SUGCT: variants seen among roughly 807,000 people sequenced by gnomAD.
The protein encoded by SUGCT is succinyl-CoA:glutarate-CoA transferase.
Under a neutral mutation model 55.0 loss-of-function variants are expected in SUGCT, and 41 were observed. The ratio of observed to expected loss-of-function variants is 0.74; its 90% CI spans 0.58 to 0.97. The LOEUF is 0.97. Ranked by LOEUF, SUGCT falls within the 50% of genes least tolerant of loss-of-function variation. SUGCT has a pLI of 0.00. For synonymous variants in SUGCT, 187 were observed against 200.4 expected (o/e 0.93, Z 0.56); for missense variants, 568 against 547.8 (o/e 1.04, Z -0.37).
intron 12 of SUGCT, among the ~76,000 whole-genome samples, chr7:40,641,688 GA>G (rs1245264752): frequency 6.6e-6 from 1 of 152,166 alleles, no homozygotes; most frequent in Non-Finnish European, 1.5e-5. Flanking sequence ...CCCATGGCAG[GA>G]AAATTCAAAA....
chr7:40,708,331 T>C (rs1221745391), intron 12 of SUGCT, among the ~76,000 whole-genome samples: 5 of 152,184 alleles, frequency 3.3e-5, no homozygotes, highest in African/African-American at 9.6e-5. Flanking sequence ...GAGAATTGCA[T>C]TGAGTATGTA....
At chr7:40,969,232 C>A in the SUGCT span, among the ~76,000 whole-genome samples, 1 of 152,194 alleles carries the variant, frequency 6.6e-6, no homozygotes, top group Non-Finnish European at 1.5e-5. Flanking sequence ...ACCTTTCAAA[C>A]CCTTTCTGGA....
chr7:40,425,007 G>A (rs1376282083), intron 9 of SUGCT, among the ~76,000 whole-genome samples: 2 of 152,016 alleles, frequency 1.3e-5, no homozygotes, highest in Non-Finnish European at 2.9e-5. Flanking sequence ...TTATAAAATA[G>A]CATTACTTTA....
intron 13 of SUGCT, among the ~76,000 whole-genome samples, chr7:40,763,819 A>G (rs1327490196): frequency 6.6e-6 from 1 of 152,076 alleles, no homozygotes; most frequent in Non-Finnish European, 1.5e-5. Context: ...GTTAGGATCT[A>G]TTTTCACATA....
Position 40,629,190 on chromosome 7 carries a change from CG to C in SUGCT, c.1090-120243del, listed in dbSNP as rs376646372. Among the ~76,000 whole-genome samples, 634 of 152,174 alleles carry C rather than the reference CG, an allele frequency of 4.2e-3. 4 individuals are homozygous for C. The highest frequency in any genetic ancestry group is 0.014 in the African/African-American group (587 of 41,510). On this transcript the variant is annotated intron_variant, in intron 12 of 13. Coordinates refer to ENST00000335693, the MANE Select transcript of SUGCT (RefSeq NM_001193313.2). ...TATCTTTCAAACAGCTACATACAGC[CG>C]ACACTTACTAAGCATAATTTATGTG...
chr7:40,563,551 A>G (rs548245112), intron 12 of SUGCT, among the ~76,000 whole-genome samples: 6 of 151,836 alleles, frequency 4.0e-5, no homozygotes, highest in Non-Finnish European at 8.8e-5. Flanking sequence ...ACAAAAAAAA[A>G]AAAGAGAGAG....
intron 12 of SUGCT, among the ~76,000 whole-genome samples, chr7:40,666,444 T>TTTTTG (rs1584239846): frequency 1.4e-4 from 20 of 146,760 alleles, no homozygotes; most frequent in Non-Finnish European, 2.5e-4. Flanking sequence ...TTTTTTTTTT[T>TTTTTG]GGTGGGTGGA....
chr7:40,243,040 G>T (rs116772842), intron 7 of SUGCT, among the ~76,000 whole-genome samples: 4 of 141,542 alleles, frequency 2.8e-5, no homozygotes, highest in African/African-American at 1.1e-4. Flanking sequence ...GGCTCAGGTG[G>T]TCCTCCCCAC....
intron 12 of SUGCT, among the ~76,000 whole-genome samples, chr7:40,590,888 T>C (rs1471854971): frequency 6.6e-6 from 1 of 152,212 alleles, no homozygotes; most frequent in Non-Finnish European, 1.5e-5. Flanking sequence ...TTAAGACCAC[T>C]GTCGAGACCT....
intron 1 of SUGCT, among the ~76,000 whole-genome samples, chr7:40,140,854 G>A (rs1787945796): frequency 2.0e-5 from 3 of 152,086 alleles, no homozygotes; most frequent in Admixed American, 2.0e-4. Flanking sequence ...AGTTCCATAT[G>A]AACTTTAGAA....
chr7:40,379,662 A>G (rs1037632681), intron 9 of SUGCT, among the ~76,000 whole-genome samples: 2 of 152,198 alleles, frequency 1.3e-5, no homozygotes, highest in East Asian at 1.9e-4. Flanking sequence ...CCTGTCTTCA[A>G]GTATTTGCTG....
chr7:40,194,996 A>G lies in SUGCT; in HGVS notation c.420A>G (p.Ala140=). Residue 140 remains alanine, a synonymous_variant, in exon 6 of 14, where the codon GCA becomes GCG. Coordinates refer to ENST00000335693, the MANE Select transcript of SUGCT (RefSeq NM_001193313.2). ...VENYVPGKLS[A]MGLGYEDIDE... is the part of the protein sequence containing the mutation. ...ACTATGTCCCTGGCAAACTGTCTGCAATGGGCCTGGGATATGAAGATATAG... is the reference window on the plus strand; with the variant it reads ...ACTATGTCCCTGGCAAACTGTCTGCGATGGGCCTGGGATATGAAGATATAG... 1 of 1,613,926 alleles carries G rather than the reference A, an allele frequency of 6.2e-7. No homozygotes were observed. Among genetic ancestry groups the G allele is most frequent in the South Asian group, 1.1e-5 (1 of 91,066 alleles).
intron 12 of SUGCT, among the ~76,000 whole-genome samples, chr7:40,644,841 G>A (rs1028181428): frequency 6.6e-6 from 1 of 152,124 alleles, no homozygotes; most frequent in Non-Finnish European, 1.5e-5. Context: ...TGGCTTATGG[G>A]GTTTACCCGA....
the SUGCT span, among the ~76,000 whole-genome samples, chr7:40,951,259 A>G: frequency 4.6e-5 from 7 of 152,192 alleles, no homozygotes; most frequent in Non-Finnish European, 8.8e-5. Context: ...AAGTGTTTAT[A>G]GTATTCTCTG....
At chr7:40,675,386 C>G (rs894547018) in intron 12 of SUGCT, among the ~76,000 whole-genome samples, 14 of 152,094 alleles carry the variant, frequency 9.2e-5, no homozygotes, top group African/African-American at 3.4e-4. Flanking sequence ...AATGTGTAAT[C>G]ACATATGTAT....
chr7:40,237,316 C>T (rs1320490905), intron 6 of SUGCT, among the ~76,000 whole-genome samples: 2 of 151,770 alleles, frequency 1.3e-5, no homozygotes, highest in African/African-American at 4.8e-5. Context: ...TGATGGTGCA[C>T]GCCTGTTATC....
intron 13 of SUGCT, among the ~76,000 whole-genome samples, chr7:40,801,907 T>C (rs906179329): frequency 3.3e-5 from 5 of 152,172 alleles, no homozygotes; most frequent in East Asian, 1.9e-4. Context: ...CCAGCTTATA[T>C]AGCTCTTGTG....
intron 13 of SUGCT, among the ~76,000 whole-genome samples, chr7:40,835,896 T>C (rs1049568302): frequency 2.7e-4 from 40 of 148,602 alleles, no homozygotes; most frequent in Non-Finnish European, 5.1e-4. Context: ...TTTTCTTTTT[T>C]TTTTTTTTTT....
intron 8 of SUGCT, among the ~76,000 whole-genome samples, chr7:40,313,866 A>G (rs902624548): frequency 5.3e-5 from 8 of 152,004 alleles, no homozygotes; most frequent in Admixed American, 5.2e-4. Flanking sequence ...TGCTAGGATT[A>G]CAGGCATGAG....
Sources: gnomAD v4.1 joint callset for allele counts (sites outside exome capture counted in the v4.1 genomes callset) on GRCh38, gnomAD v4.1.1 for gene constraint, MANE v1.5 for transcripts, NCBI Gene and HGNC (gene_info 2026-07-23, HGNC 2026-07-21) for gene names.